BICD1: variants seen among roughly 807,000 people sequenced by gnomAD.
BICD1 encodes BICD cargo adaptor 1.
In BICD1, 35 loss-of-function variants were observed where a neutral mutation model predicts 92.5. That is an observed-to-expected ratio of 0.38 (90% CI 0.29 to 0.50). The LOEUF (loss-of-function observed/expected upper bound fraction) is 0.50, where lower values mean the gene tolerates loss of function less well. BICD1 is among the 20% of genes least tolerant of loss of function. BICD1 has a pLI of 0.93. For missense variants in BICD1, 950 were observed against 1,189.8 expected, an observed-to-expected ratio of 0.80 and a Z score of 2.97; for synonymous variants, 429 against 465.1, an observed-to-expected ratio of 0.92 and a Z score of 1.00.
intron 1 of BICD1, among the ~76,000 whole-genome samples, chr12:32,173,031 C>G (rs1337889856): frequency 2.0e-5 from 3 of 151,190 alleles, no homozygotes; most frequent in Non-Finnish European, 4.4e-5. Flanking sequence ...CCGCCCTGTT[C>G]AGGCAGAGGC....
chr12:32,200,523 G>A (rs748867225), intron 1 of BICD1, among the ~76,000 whole-genome samples: 1 of 152,206 alleles, frequency 6.6e-6, no homozygotes, highest in Non-Finnish European at 1.5e-5. Context: ...CTGCAATTCT[G>A]CAGTAGATAG....
At chr12:32,188,484 T>C (rs1213012433) in intron 1 of BICD1, among the ~76,000 whole-genome samples, 1 of 152,226 alleles carries the variant, frequency 6.6e-6, no homozygotes, top group Admixed American at 6.5e-5. Flanking sequence ...TTGTAAGAAA[T>C]TCAGTTTTCT....
chr12:32,129,524 C>CAAAAAAA (rs756293470), intron 1 of BICD1, among the ~76,000 whole-genome samples: 2 of 82,660 alleles, frequency 2.4e-5, no homozygotes, highest in African/African-American at 4.8e-5. Flanking sequence ...GATTCCATCT[C>CAAAAAAA]AAAAAAAAAA....
intron 1 of BICD1, among the ~76,000 whole-genome samples, chr12:32,148,455 T>C (rs916664299): frequency 6.6e-6 from 1 of 152,200 alleles, no homozygotes; most frequent in Non-Finnish European, 1.5e-5. Flanking sequence ...TATTGTAAAA[T>C]AAAGCTCTAT....
At chr12:32,321,040 T>A (rs774963106) in intron 4 of BICD1, among the ~76,000 whole-genome samples, 6 of 152,130 alleles carry the variant, frequency 3.9e-5, no homozygotes, top group African/African-American at 7.2e-5. Flanking sequence ...TCTAAAACAA[T>A]TTAGGCCAGG....
rs557014526 is a variant in BICD1 at position 32,309,184 on chromosome 12, CATTGCCT to C, written c.1005+3064_1005+3070del. Among the ~76,000 whole-genome samples, 327 of 147,506 alleles carry C rather than the reference CATTGCCT, an allele frequency of 2.2e-3. 3 individuals are homozygous for C. Among genetic ancestry groups the C allele is most frequent in the African/African-American group, 7.9e-3 (313 of 39,506 alleles). On this transcript the variant is annotated intron_variant, in intron 4 of 9. Coordinates refer to ENST00000652176, the MANE Select transcript of BICD1 (RefSeq NM_001714.4). Reference sequence around the variant, plus strand: ...CACATTACAAAAACATTACAGGATACATTGCCTAGAATTTATTGTAATTGGCTTTGAT... The same window carrying C: ...CACATTACAAAAACATTACAGGATACAGAATTTATTGTAATTGGCTTTGAT...
intron 2 of BICD1, among the ~76,000 whole-genome samples, chr12:32,250,520 G>A (rs181959583): frequency 6.6e-6 from 1 of 152,336 alleles, no homozygotes; most frequent in East Asian, 1.9e-4. Flanking sequence ...TGATGGGACA[G>A]TGGTGGCAGA....
At chr12:32,117,002 T>TA (rs1394905658) in intron 1 of BICD1, among the ~76,000 whole-genome samples, 1 of 152,198 alleles carries the variant, frequency 6.6e-6, no homozygotes, top group Non-Finnish European at 1.5e-5. Flanking sequence ...ACTGATATGT[T>TA]ACGTTTGTTT....
At chr12:32,296,038 A>G (rs1032547356) in intron 3 of BICD1, among the ~76,000 whole-genome samples, 13 of 152,040 alleles carry the variant, frequency 8.6e-5, no homozygotes, top group Admixed American at 1.3e-4. Context: ...CAGTCCATCA[A>G]AAAAGGGCTA....
chr12:32,230,914 T>A (rs1945866991), intron 2 of BICD1, among the ~76,000 whole-genome samples: 2 of 152,162 alleles, frequency 1.3e-5, no homozygotes, highest in Non-Finnish European at 2.9e-5. Flanking sequence ...ATAGAACCAG[T>A]GAATATTGAT....
At chr12:32,277,526 T>G (rs1291770936) in intron 2 of BICD1, among the ~76,000 whole-genome samples, 1 of 152,264 alleles carries the variant, frequency 6.6e-6, no homozygotes, top group East Asian at 1.9e-4. Flanking sequence ...TACCAATAGT[T>G]GGGCTAACCT....
At chr12:32,244,888 A>G (rs1278863818) in intron 2 of BICD1, among the ~76,000 whole-genome samples, 4 of 152,146 alleles carry the variant, frequency 2.6e-5, no homozygotes, top group Non-Finnish European at 5.9e-5. Context: ...TGGCCTCCCA[A>G]AGTGCTGGGA....
chr12:32,165,835 C>A (rs1592402359), intron 1 of BICD1, among the ~76,000 whole-genome samples: 1 of 152,034 alleles, frequency 6.6e-6, no homozygotes, highest in Non-Finnish European at 1.5e-5. Context: ...AAAAGCAAAA[C>A]ATGATAAAAC....
intron 2 of BICD1, among the ~76,000 whole-genome samples, chr12:32,234,019 A>G (rs1224759731): frequency 6.6e-6 from 1 of 152,230 alleles, no homozygotes; most frequent in Non-Finnish European, 1.5e-5. Context: ...GTGATATCGT[A>G]ATGAATTTTT....
intron 2 of BICD1, among the ~76,000 whole-genome samples, chr12:32,221,105 GA>G (rs1449333457): frequency 1.7e-5 from 2 of 115,800 alleles, no homozygotes; most frequent in African/African-American, 6.5e-5. Flanking sequence ...GGGGTGGGGG[GA>G]GGGGGAGGGA....
At chr12:32,150,949 A>G (rs1432288103) in intron 1 of BICD1, among the ~76,000 whole-genome samples, 1 of 152,100 alleles carries the variant, frequency 6.6e-6, no homozygotes, top group African/African-American at 2.4e-5. Flanking sequence ...TAATCTTAAC[A>G]TCAATGGTAC....
chr12:32,120,223 T>C (rs1410819931), intron 1 of BICD1, among the ~76,000 whole-genome samples: 4 of 152,236 alleles, frequency 2.6e-5, no homozygotes, highest in Non-Finnish European at 4.4e-5. Flanking sequence ...TGGTGACTTA[T>C]AGTTGTTCTT....
At chr12:32,376,459 C>T (rs771341123) in intron 9 of BICD1, among the ~76,000 whole-genome samples, 1 of 152,104 alleles carries the variant, frequency 6.6e-6, no homozygotes, top group African/African-American at 2.4e-5. Context: ...AATGATTTTG[C>T]TTCTTTATTC....
chr12:32,183,335 C>T (rs186724091), intron 1 of BICD1, among the ~76,000 whole-genome samples: 8 of 148,034 alleles, frequency 5.4e-5, no homozygotes, highest in East Asian at 2.0e-4. Flanking sequence ...TGCAGTGGTG[C>T]GATCTTGGCT....
Sources: allele counts gnomAD v4.1 joint callset (sites outside exome capture counted in the v4.1 genomes callset), GRCh38; gene constraint gnomAD v4.1.1; transcripts MANE v1.5; gene names NCBI Gene and HGNC (gene_info 2026-07-23, HGNC 2026-07-21).